Variants in EDA observed in about 807,000 individuals in gnomAD.
The protein encoded by EDA is ectodysplasin A, also known as ectodysplasin-A.
Under a neutral mutation model 23.6 loss-of-function variants are expected in EDA, and 2 were observed. The ratio of observed to expected loss-of-function variants is 0.08; its 90% CI spans 0.03 to 0.27. EDA has a LOEUF of 0.27. EDA is among the 10% of genes least tolerant of loss of function. The pLI, the probability that EDA is intolerant of heterozygous loss-of-function variation, is 1.00. For missense variants in EDA, 229 were observed against 324.2 expected, an observed-to-expected ratio of 0.71 and a Z score of 2.26; for synonymous variants, 131 against 132.0, an observed-to-expected ratio of 0.99 and a Z score of 0.05.
At chrX:69,785,934 T>G (rs1055691620) in intron 1 of EDA, among the ~76,000 whole-genome samples, 20 of 110,891 alleles carry the variant, frequency 1.8e-4, no homozygotes, top group Non-Finnish European at 3.6e-4. Context: ...GGGCTCTTTT[T>G]GGTTGGTAAG....
At chrX:69,681,936 T>C (rs1412434233) in intron 1 of EDA, among the ~76,000 whole-genome samples, 6 of 110,553 alleles carry the variant, frequency 5.4e-5, no homozygotes, top group Non-Finnish European at 1.1e-4. Flanking sequence ...CTCTGTTTTT[T>C]CCCCATCTTT....
intron 1 of EDA, among the ~76,000 whole-genome samples, chrX:69,778,278 C>T (rs1032020092): frequency 3.6e-5 from 4 of 111,027 alleles, no homozygotes; most frequent in Non-Finnish European, 7.6e-5. Context: ...TTCAAGCTGG[C>T]GAGCCAAAGC....
intron 1 of EDA, among the ~76,000 whole-genome samples, chrX:69,849,082 TAC>T (rs370800783): frequency 0.16 from 9,204 of 56,827 alleles, 362 homozygotes; most frequent in Non-Finnish European, 0.25. Context: ...AAAGTCTATA[TAC>T]ACACACACAC....
intron 1 of EDA, among the ~76,000 whole-genome samples, chrX:69,731,643 T>A (rs1451012008): frequency 9.0e-6 from 1 of 111,285 alleles, no homozygotes; most frequent in Non-Finnish European, 1.9e-5. Flanking sequence ...GGTTTCACCA[T>A]GTTGGCCAGG....
intron 1 of EDA, among the ~76,000 whole-genome samples, chrX:69,806,378 TAGA>T (rs2015815614): frequency 9.0e-6 from 1 of 111,322 alleles, no homozygotes; most frequent in African/African-American, 3.3e-5. Context: ...GTTCTACCAA[TAGA>T]AGAGAGTATT....
chrX:69,876,787 G>A (rs2017652662), intron 1 of EDA, among the ~76,000 whole-genome samples: 1 of 112,275 alleles, frequency 8.9e-6, no homozygotes, highest in African/African-American at 3.2e-5. Context: ...CCTTTTCGTT[G>A]CTTAATAAGA....
rs141582887 is a variant in EDA at position 70,005,020 on chromosome X, C to A, written c.503-18198C>A. Among the ~76,000 whole-genome samples the A allele has an allele frequency of 8.6e-3, 955 of 111,664 alleles. 5 individuals are homozygous for A. Among genetic ancestry groups the A allele is most frequent in the Non-Finnish European group, 0.013 (684 of 53,073 alleles). ...CTGAGGCAGGAGGATTGCGTGAGCC[C>A]AGGAGGTTAAGGCTGCAATGGGCCA... On this transcript the variant is annotated intron_variant, in intron 2 of 7. Coordinates refer to ENST00000374552, the MANE Select transcript of EDA (RefSeq NM_001399.5).
At chrX:69,816,149 C>A (rs980305630) in intron 1 of EDA, among the ~76,000 whole-genome samples, 2 of 111,370 alleles carry the variant, frequency 1.8e-5, no homozygotes, top group African/African-American at 6.5e-5. Context: ...AAACAGAAAA[C>A]AACAAGATCA....
chrX:69,939,599 C>G (rs1043483127), intron 1 of EDA, among the ~76,000 whole-genome samples: 3 of 111,517 alleles, frequency 2.7e-5, no homozygotes, highest in African/African-American at 6.5e-5. Flanking sequence ...TCCAATTGCT[C>G]TAGCCAGGAC....
At chrX:69,937,096 T>A (rs1452000133) in intron 1 of EDA, 1 of 758,023 alleles carries the variant, frequency 1.3e-6, no homozygotes, top group Non-Finnish European at 2.0e-6. Flanking sequence ...CAACCAGAGA[T>A]AAAACCTATA....
chrX:69,668,351 T>G (rs1428631250), intron 1 of EDA, among the ~76,000 whole-genome samples: 1 of 112,016 alleles, frequency 8.9e-6, no homozygotes, highest in African/African-American at 3.2e-5. Context: ...CTTTCTCAAT[T>G]TATTAAGACT....
intron 1 of EDA, among the ~76,000 whole-genome samples, chrX:69,955,247 A>G (rs752561559): frequency 8.9e-6 from 1 of 112,286 alleles, no homozygotes; most frequent in South Asian, 3.7e-4. Flanking sequence ...ATGCATTTTT[A>G]CATTCCAATC....
intron 1 of EDA, among the ~76,000 whole-genome samples, chrX:69,819,914 C>A (rs12010623): frequency 0.027 from 1,600 of 58,236 alleles, 26 homozygotes; most frequent in East Asian, 0.05. Flanking sequence ...AAAAAAAAAA[C>A]AAAAAACACC....
intron 1 of EDA, among the ~76,000 whole-genome samples, chrX:69,941,492 C>A (rs2018756954): frequency 9.0e-6 from 1 of 111,089 alleles, no homozygotes; most frequent in African/African-American, 3.3e-5. Context: ...ATTGTTATAT[C>A]CTCTTGTTGA....
At chrX:69,712,456 G>A (rs1032924331) in intron 1 of EDA, among the ~76,000 whole-genome samples, 2 of 111,539 alleles carry the variant, frequency 1.8e-5, no homozygotes, top group Non-Finnish European at 3.8e-5. Flanking sequence ...AGACACATGA[G>A]AAAATGCTCA....
intron 1 of EDA, among the ~76,000 whole-genome samples, chrX:69,618,626 A>G (rs752530687): frequency 9.6e-4 from 107 of 111,480 alleles, no homozygotes; most frequent in African/African-American, 3.4e-3. Context: ...TCTAACTCCT[A>G]GTTGGGTGCC....
chrX:69,759,585 T>A (rs2014235254), intron 1 of EDA, among the ~76,000 whole-genome samples: 1 of 111,665 alleles, frequency 9.0e-6, no homozygotes, highest in Non-Finnish European at 1.9e-5. Context: ...TTACAATAGG[T>A]TGATTGCACT....
intron 1 of EDA, among the ~76,000 whole-genome samples, chrX:69,737,855 G>T (rs2013321353): frequency 1.6e-3 from 1 of 613 alleles, no homozygotes; most frequent in Non-Finnish European, 3.4e-3. Context: ...TAGGCTGACA[G>T]ATTTTTTTTT....
chrX:69,705,289 C>G (rs1398890203), intron 1 of EDA, among the ~76,000 whole-genome samples: 2 of 110,249 alleles, frequency 1.8e-5, no homozygotes, highest in Non-Finnish European at 3.8e-5. Flanking sequence ...TTCTGAGTTC[C>G]CCCTCCATCT....
Sources: gnomAD v4.1 joint callset for allele counts (sites outside exome capture counted in the v4.1 genomes callset) on GRCh38, gnomAD v4.1.1 for gene constraint, MANE v1.5 for transcripts, NCBI Gene and HGNC (gene_info 2026-07-23, HGNC 2026-07-21) for gene names.